Variants in LGR6 observed in about 807,000 individuals in gnomAD.
The protein encoded by LGR6 is leucine-rich repeat-containing G protein-coupled receptor 6.
LGR6 carries 45 observed loss-of-function variants against 69.4 expected under a neutral mutation model. The observed-to-expected ratio is 0.65, with a 90% CI of 0.51 to 0.83. The LOEUF (loss-of-function observed/expected upper bound fraction) is 0.83. Ranked by LOEUF, LGR6 falls within the 40% of genes least tolerant of loss-of-function variation. LGR6 has a pLI of 0.00. For missense variants in LGR6, 1,108 were observed against 1,246.7 expected (o/e 0.89, Z 1.68); for synonymous variants, 538 against 555.0 (o/e 0.97, Z 0.43).
chr1:202,319,123 A>G lies in LGR6; in HGVS notation c.2820A>G (p.Ala940=), dbSNP rs763248209. The stretch of plus-strand genomic sequence containing the variant: ...TGGATGGAGAACTGCTGCTGAGGGC[A>G]GAGGGATCTACGCCAGCAGGTGGAG... ...PSMDGELLLR[A]EGSTPAGGGL... Residue 940 remains alanine (A), a synonymous_variant, in exon 18 of 18, where the codon GCA becomes GCG. Coordinates refer to ENST00000367278, the MANE Select transcript of LGR6 (RefSeq NM_001017403.2). 21 of 1,614,106 alleles carry G rather than the reference A, an allele frequency of 1.3e-5. No individual in the cohort carries two copies. In the South Asian group the frequency reaches 2.3e-4, roughly 18 times the overall value.
intron 4 of LGR6, among the ~76,000 whole-genome samples, chr1:202,265,866 G>A (rs1021298870): frequency 5.9e-5 from 9 of 152,170 alleles, no homozygotes; most frequent in African/African-American, 1.9e-4. Context: ...CATAGCCCGC[G>A]TCTTCAGGGG....
chr1:202,270,696 C>T (rs906630497), intron 4 of LGR6, among the ~76,000 whole-genome samples: 1 of 152,222 alleles, frequency 6.6e-6, no homozygotes, highest in Non-Finnish European at 1.5e-5. Context: ...TGTCCTGGGT[C>T]GCTGTCAGTG....
chr1:202,231,074 T>A (rs1444650197), intron 3 of LGR6, among the ~76,000 whole-genome samples: 2 of 152,210 alleles, frequency 1.3e-5, no homozygotes. Context: ...TCCTGCTTCC[T>A]GAGCTGCGGC....
chr1:202,250,207 T>TA (rs1238837091), intron 4 of LGR6, among the ~76,000 whole-genome samples: 1 of 152,110 alleles, frequency 6.6e-6, no homozygotes, highest in East Asian at 1.9e-4. Flanking sequence ...CTTTAGGTCT[T>TA]ACCTTGAATG....
chr1:202,319,323 G>A lies in LGR6; in HGVS notation c.*116G>A. ...AACTCAGCAGTGTGATCTATAGCAG[G>A]ATGGCCCAGTCCCTGGCTCCACTGA... On this transcript the variant is annotated 3_prime_UTR_variant, in exon 18 of 18. Coordinates refer to ENST00000367278, the MANE Select transcript of LGR6 (RefSeq NM_001017403.2). 8.5e-7 allele frequency: 1 copy of A among 1,183,082 alleles called. No homozygotes were observed. The highest frequency in any genetic ancestry group is 1.2e-6 in the Non-Finnish European group (1 of 865,052). 73.3% of individuals were successfully genotyped at this position (1,183,082 alleles called of 1,614,324 possible).
At chr1:202,197,915 C>T (rs537074018) in intron 1 of LGR6, among the ~76,000 whole-genome samples, 10 of 152,328 alleles carry the variant, frequency 6.6e-5, no homozygotes, top group Non-Finnish European at 1.0e-4. Flanking sequence ...AGGTGTCTCA[C>T]GCAGCTAGTT....
chr1:202,293,820 G>A (rs572439555), intron 6 of LGR6, among the ~76,000 whole-genome samples: 2 of 152,092 alleles, frequency 1.3e-5, no homozygotes, highest in Non-Finnish European at 2.9e-5. Context: ...CCCATTTCTC[G>A]ACAAAAATAG....
rs1572035808 is a variant in LGR6, at chr1:202,318,806, C to T, written c.2503C>T (p.Arg835Trp). ...GTACCTGCTCTTCAACCCCCACTTC[C>T]GGGATGACCTTCGGCGGCTTCGGCC... is the stretch of plus-strand genomic sequence containing the variant. The part of the protein sequence containing the change: ...LLYLLFNPHF[R>W]DDLRRLRPRA... Residue 835 changes from arginine to tryptophan, a missense_variant, in exon 18 of 18, where the codon CGG (arginine) becomes TGG (tryptophan). Coordinates refer to ENST00000367278, the MANE Select transcript of LGR6 (RefSeq NM_001017403.2). 5 of 1,613,502 alleles carry T rather than the reference C, an allele frequency of 3.1e-6. No homozygotes were observed. The South Asian group carries it at 4.4e-5, about 14-fold the overall frequency.
At chr1:202,256,353 C>T (rs999965756) in intron 4 of LGR6, among the ~76,000 whole-genome samples, 3 of 152,118 alleles carry the variant, frequency 2.0e-5, no homozygotes, top group Non-Finnish European at 2.9e-5. Flanking sequence ...AAGCGATTCT[C>T]CCGCCTCAGC....
At chr1:202,254,999 G>T (rs1017208280) in intron 4 of LGR6, among the ~76,000 whole-genome samples, 1 of 152,274 alleles carries the variant, frequency 6.6e-6, no homozygotes, top group Middle Eastern at 3.4e-3. Context: ...TTGGGGGCGC[G>T]GGGATGGGGT....
chr1:202,224,547 G>A (rs569379431), intron 1 of LGR6, among the ~76,000 whole-genome samples: 3 of 152,148 alleles, frequency 2.0e-5, no homozygotes, highest in African/African-American at 7.2e-5. Context: ...TTTTTTCCAC[G>A]GACAGGGGTG....
chr1:202,220,911 GTGA>G (rs1660115638), intron 1 of LGR6, among the ~76,000 whole-genome samples: 2 of 152,234 alleles, frequency 1.3e-5, no homozygotes, highest in South Asian at 2.1e-4. Context: ...ACTATGTGAG[GTGA>G]TGACTATCTT....
At chr1:202,208,499 A>G (rs145755980) in intron 1 of LGR6, among the ~76,000 whole-genome samples, 7 of 151,894 alleles carry the variant, frequency 4.6e-5, no homozygotes, top group African/African-American at 1.7e-4. Context: ...TGCAGTGTTC[A>G]CTCCGTGAGA....
intron 17 of LGR6, among the ~76,000 whole-genome samples, chr1:202,317,338 T>TG (rs149798836): frequency 0.19 from 22,541 of 121,164 alleles, 2,259 homozygotes; most frequent in Non-Finnish European, 0.27. Flanking sequence ...TGTGTTTTTT[T>TG]GTTTTTTTTT....
At chr1:202,216,589 T>C (rs981534130) in intron 1 of LGR6, among the ~76,000 whole-genome samples, 40 of 152,350 alleles carry the variant, frequency 2.6e-4, no homozygotes, top group Non-Finnish European at 1.6e-4. Flanking sequence ...TAGTGGCCAC[T>C]GCGCTGGACA....
At chr1:202,200,462 C>T (rs1658800161) in intron 1 of LGR6, among the ~76,000 whole-genome samples, 1 of 152,104 alleles carries the variant, frequency 6.6e-6, no homozygotes, top group Non-Finnish European at 1.5e-5. Flanking sequence ...GGCTATGTGA[C>T]CTTAGGCTAG....
intron 7 of LGR6, among the ~76,000 whole-genome samples, chr1:202,297,808 A>G (rs1282310388): frequency 6.6e-6 from 1 of 152,134 alleles, no homozygotes; most frequent in Admixed American, 6.5e-5. Context: ...AATAGCAGAA[A>G]TGGCCCTGGG....
chr1:202,222,934 T>C (rs1408881630), intron 1 of LGR6, among the ~76,000 whole-genome samples: 2 of 152,090 alleles, frequency 1.3e-5, no homozygotes, highest in African/African-American at 4.8e-5. Flanking sequence ...GAACCCCATT[T>C]CTACTAAAAA....
At chr1:202,256,494 C>T (rs1663784724) in intron 4 of LGR6, among the ~76,000 whole-genome samples, 1 of 152,182 alleles carries the variant, frequency 6.6e-6, no homozygotes, top group Non-Finnish European at 1.5e-5. Flanking sequence ...CTGCCTGCCT[C>T]GGCCTCCCAA....
Sources: allele counts gnomAD v4.1 joint callset (sites outside exome capture counted in the v4.1 genomes callset), GRCh38; gene constraint gnomAD v4.1.1; transcripts MANE v1.5; gene names NCBI Gene and HGNC (gene_info 2026-07-23, HGNC 2026-07-21).